Variants in MCF2 observed in about 807,000 individuals in gnomAD.
MCF2 encodes proto-oncogene DBL.
Under a neutral mutation model 82.5 loss-of-function variants are expected in MCF2, and 44 were observed. The ratio of observed to expected loss-of-function variants is 0.53; its 90% CI spans 0.42 to 0.69. The LOEUF (loss-of-function observed/expected upper bound fraction) is 0.69. MCF2 is among the 30% of genes least tolerant of loss of function. The probability of loss-of-function intolerance (pLI) is 0.00; values close to 1 mark genes in which losing one functional copy is unlikely to be tolerated. For missense variants in MCF2, 623 were observed against 663.1 expected (o/e 0.94, Z 0.66); for synonymous variants, 217 against 224.9 (o/e 0.96, Z 0.32).
intron 1 of MCF2, among the ~76,000 whole-genome samples, chrX:139,679,712 A>C (rs1347239930): frequency 9.0e-6 from 1 of 111,287 alleles, no homozygotes; most frequent in Non-Finnish European, 1.9e-5. Context: ...TATTAAAAAA[A>C]TGAAAAAATA....
intron 4 of MCF2, among the ~76,000 whole-genome samples, chrX:139,628,866 A>G (rs138180106): frequency 3.6e-5 from 4 of 111,446 alleles, no homozygotes; most frequent in Non-Finnish European, 7.5e-5. Flanking sequence ...AAAGACCTGG[A>G]TAGGAGAGCA....
chrX:139,597,129 G>T (rs1469482181), intron 18 of MCF2, among the ~76,000 whole-genome samples: 5 of 111,151 alleles, frequency 4.5e-5, no homozygotes, highest in Admixed American at 3.9e-4. Flanking sequence ...CTAAAGATTT[G>T]ATTCTTTTCT....
intron 2 of MCF2, among the ~76,000 whole-genome samples, chrX:139,648,574 T>A (rs916533735): frequency 9.0e-6 from 1 of 111,590 alleles, no homozygotes; most frequent in African/African-American, 3.3e-5. Flanking sequence ...AATAATCACA[T>A]AAAATGTCAA....
intron 1 of MCF2, among the ~76,000 whole-genome samples, chrX:139,635,156 C>T (rs898237965): frequency 8.1e-5 from 9 of 110,798 alleles, no homozygotes; most frequent in African/African-American, 2.9e-4. Context: ...AATTTTCAAA[C>T]GAATACTGAG....
rs146125896 is a variant in MCF2 at position 139,654,721 on chromosome X, C to T, written c.-44-2933G>A. 3.4e-3 allele frequency among the ~76,000 whole-genome samples: 382 copies of T among 111,216 alleles called. 1 individual carries two copies. Among genetic ancestry groups the T allele is most frequent in the African/African-American group, 0.011 (347 of 30,611 alleles). On this transcript the variant is annotated intron_variant, in intron 1 of 27. Transcript: ENST00000414978. The stretch of plus-strand genomic sequence containing the variant: ...TTTTGCACAAAAAACTCTGCCCAGA[C>T]CAATGTTCTGGAAAGTTTCCCCAAC...
At chrX:139,597,149 A>T (rs750597476) in intron 18 of MCF2, among the ~76,000 whole-genome samples, 1 of 110,963 alleles carries the variant, frequency 9.0e-6, no homozygotes, top group East Asian at 2.9e-4. Flanking sequence ...TTTCCTATCT[A>T]TTCCTATCTA....
At chrX:139,638,772 C>T (rs1335565258) in intron 1 of MCF2, among the ~76,000 whole-genome samples, 1 of 111,925 alleles carries the variant, frequency 8.9e-6, no homozygotes, top group Admixed American at 9.5e-5. Context: ...ATCTGAACAT[C>T]AATCAATATC....
chrX:139,603,273 A>T (rs906646401), intron 15 of MCF2, among the ~76,000 whole-genome samples: 2 of 112,696 alleles, frequency 1.8e-5, no homozygotes, highest in Non-Finnish European at 3.7e-5. Context: ...ATCAATAAAC[A>T]TTTATTAAAC....
chrX:139,596,901 T>C (rs1930150802), intron 18 of MCF2, 131 bp from the exon 23 acceptor site: 1 of 480,770 alleles, frequency 2.1e-6, no homozygotes, highest in Non-Finnish European at 3.5e-6. Context: ...AAAACTTAAC[T>C]TTGTATGTTA....
chrX:139,600,145 T>C (rs1438922507), intron 16 of MCF2, among the ~76,000 whole-genome samples: 4 of 111,229 alleles, frequency 3.6e-5, no homozygotes, highest in Non-Finnish European at 7.6e-5. Context: ...TGCAGATTAG[T>C]GATTGCCTAG....
chrX:139,597,852 A>G (rs1930231028), intron 17 of MCF2, among the ~76,000 whole-genome samples: 1 of 111,733 alleles, frequency 8.9e-6, no homozygotes, highest in Admixed American at 9.6e-5. Flanking sequence ...ATCAGAGATC[A>G]ATTTTTAAAG....
At chrX:139,699,076 G>A (rs1935436088) in intron 1 of MCF2, among the ~76,000 whole-genome samples, 1 of 111,702 alleles carries the variant, frequency 9.0e-6, no homozygotes, top group East Asian at 2.8e-4. Context: ...GATCTAGACT[G>A]TAAGTTGGCT....
chrX:139,587,915 G>T (rs1929131289), intron 21 of MCF2, 127 bp from the exon 26 acceptor site: 1 of 441,972 alleles, frequency 2.3e-6, no homozygotes, highest in South Asian at 4.0e-5. Context: ...TTAGACTTAA[G>T]CTTCACAGAC....
chrX:139,693,771 A>G (rs193044567), intron 1 of MCF2, among the ~76,000 whole-genome samples: 6 of 111,560 alleles, frequency 5.4e-5, no homozygotes, highest in Non-Finnish European at 7.5e-5. Context: ...TTAAAAATAA[A>G]TAAGACACAA....
chrX:139,582,211 C>T (rs1315837968), exon 25 of MCF2: 1 of 399,717 alleles, frequency 2.5e-6, no homozygotes, highest in Non-Finnish European at 4.4e-6. Flanking sequence ...ATTTTCAAGT[C>T]CAAAAGTATT....
intron 15 of MCF2, among the ~76,000 whole-genome samples, chrX:139,603,943 G>C (rs1377635178): frequency 8.9e-6 from 1 of 112,251 alleles, no homozygotes; most frequent in African/African-American, 3.2e-5. Flanking sequence ...CACTTTCTGG[G>C]ATAAGACATC....
At chrX:139,656,130 C>T (rs1277105476) in intron 1 of MCF2, among the ~76,000 whole-genome samples, 2 of 112,057 alleles carry the variant, frequency 1.8e-5, no homozygotes, top group African/African-American at 6.5e-5. Context: ...GGCGCGATCT[C>T]GGCTCACTGC....
exon 9 of MCF2, chrX:139,616,282 C>A: frequency 9.4e-7 from 1 of 1,065,567 alleles, no homozygotes; most frequent in Admixed American, 2.9e-5. Flanking sequence ...AAGCCTCTAC[C>A]TTAAGCTCAG....
intron 1 of MCF2, among the ~76,000 whole-genome samples, chrX:139,657,475 C>A (rs1160279919): frequency 8.9e-6 from 1 of 112,256 alleles, no homozygotes; most frequent in Non-Finnish European, 1.9e-5. Context: ...CTCAATACAG[C>A]ATGTGCTTTA....
Sources: allele counts gnomAD v4.1 joint callset (sites outside exome capture counted in the v4.1 genomes callset), GRCh38; gene constraint gnomAD v4.1.1; transcripts MANE v1.5; gene names NCBI Gene and HGNC (gene_info 2026-07-23, HGNC 2026-07-21).